Variants in GJB1 observed in about 807,000 individuals in gnomAD.
The protein encoded by GJB1 is gap junction protein beta 1, also known as gap junction beta-1 protein.
A neutral mutation model predicts 12.0 loss-of-function variants in GJB1; 1 was observed. The ratio of observed to expected loss-of-function variants is 0.08; its 90% CI spans 0.03 to 0.40. GJB1 has a LOEUF of 0.40. Among genes scored for constraint, GJB1 ranks in the 10% least tolerant of loss-of-function variants. GJB1 has a pLI of 0.98. For missense variants in GJB1, 140 were observed against 250.3 expected, an observed-to-expected ratio of 0.56 and a Z score of 2.97; for synonymous variants, 114 against 102.8, an observed-to-expected ratio of 1.11 and a Z score of -0.66.
upstream of GJB1, among the ~76,000 whole-genome samples, chrX:71,219,742 C>G (rs1469054126): frequency 1.3e-5 from 1 of 75,522 alleles, no homozygotes; most frequent in Non-Finnish European, 2.4e-5. Context: ...CCACTGCAGT[C>G]CAGCCTGGGC....
upstream of GJB1, chrX:71,222,743 C>A (rs1032407280): frequency 2.7e-5 from 3 of 110,561 alleles, no homozygotes; most frequent in African/African-American, 9.9e-5. Flanking sequence ...TAACAGGCTT[C>A]CTAAATGGGT....
At chrX:71,220,295 G>T (rs1402086497), upstream of GJB1, among the ~76,000 whole-genome samples, 1 of 106,056 alleles carries the variant, frequency 9.4e-6, no homozygotes, top group East Asian at 2.9e-4. Context: ...CTCCCAAAGT[G>T]CTGGGATTAC....
intron 1 of GJB1, among the ~76,000 whole-genome samples, chrX:71,215,708 C>T (rs1030144645): frequency 9.9e-5 from 11 of 111,317 alleles, no homozygotes; most frequent in Admixed American, 1.9e-4. Flanking sequence ...ACAAGGCAAG[C>T]CAGGCATGCA....
At chrX:71,221,753 C>T (rs2092538371), upstream of GJB1, among the ~76,000 whole-genome samples, 1 of 111,206 alleles carries the variant, frequency 9.0e-6, no homozygotes, top group South Asian at 3.8e-4. Context: ...GAGCAACTGG[C>T]AAGCTCCTGA....
At chrX:71,217,198 G>A (rs2092527476) in intron 1 of GJB1, among the ~76,000 whole-genome samples, 1 of 110,781 alleles carries the variant, frequency 9.0e-6, no homozygotes, top group Admixed American at 9.7e-5. Flanking sequence ...CCTGGTCTCA[G>A]AATGCAAACT....
upstream of GJB1, among the ~76,000 whole-genome samples, chrX:71,221,220 T>C (rs1405060918): frequency 8.9e-6 from 1 of 112,278 alleles, no homozygotes; most frequent in Non-Finnish European, 1.9e-5. Context: ...CTGTGGTGCC[T>C]AGTGCAGCAG....
chrX:71,224,861 C>T lies in GJB1; in HGVS notation c.*302C>T, dbSNP rs1239659935. The T allele has an allele frequency of 1.2e-5, 5 of 401,255 alleles. No homozygotes were observed. The highest frequency in any genetic ancestry group is 1.4e-5 in the Non-Finnish European group (3 of 222,088). 33.1% of individuals were successfully genotyped at this position (401,255 alleles called of 1,213,427 possible). A position where few individuals can be genotyped will look rare whatever the true frequency, so the allele number is the denominator to read the frequency against. Reference sequence around the variant, plus strand: ...ACTGGGTACAAGAGATGGGATGCTCCGACAGCGTCTCCAATTATGAAACTA... The same window carrying T: ...ACTGGGTACAAGAGATGGGATGCTCTGACAGCGTCTCCAATTATGAAACTA... On this transcript the variant is annotated 3_prime_UTR_variant, in exon 2 of 2. Transcript: ENST00000361726.
At chrX:71,220,138 T>C (rs1315606004), upstream of GJB1, among the ~76,000 whole-genome samples, 514 of 76,915 alleles carry the variant, frequency 6.7e-3, no homozygotes, top group Middle Eastern at 0.014. Context: ...CCACTGTGCC[T>C]GGCCTTTTTT....
chrX:71,224,211 C>G lies in GJB1; in HGVS notation c.504C>G (p.Cys168Trp). 1 of 1,205,869 alleles carries G rather than the reference C, an allele frequency of 8.3e-7. No homozygotes were observed. Among genetic ancestry groups the G allele is most frequent in the Non-Finnish European group, 1.1e-6 (1 of 893,844 alleles). Reference protein sequence around the residue: ...PGYAMVRLVKCDVYPCPNTVD... With the variant: ...PGYAMVRLVKWDVYPCPNTVD... The stretch of plus-strand genomic sequence containing the variant: ...ATGCCATGGTGCGGCTGGTCAAGTG[C>G]GACGTCTACCCCTGCCCCAACACAG... The change falls in exon 2 of 2, where the codon TGC (cysteine) becomes TGG (tryptophan). Residue 168 changes from cysteine to tryptophan, a missense_variant. Physicochemically the swap from Cys to Trp is radical, Grantham distance 215 (BLOSUM62 -2). Around this residue, in one of 4 missense-constraint regions of GJB1, gnomAD observed 49 missense variants for 104.5 expected, o/e 0.47. Coordinates refer to ENST00000361726, the MANE Select transcript of GJB1 (RefSeq NM_000166.6).
chrX:71,219,104 C>A (rs905048527), upstream of GJB1, among the ~76,000 whole-genome samples: 6 of 109,247 alleles, frequency 5.5e-5, no homozygotes, highest in African/African-American at 2.0e-4. Context: ...ATAACAGGTA[C>A]TCAGTAAATT....
At chrX:71,222,256 T>TC (rs2092539100), upstream of GJB1, among the ~76,000 whole-genome samples, 1 of 110,249 alleles carries the variant, frequency 9.1e-6, no homozygotes, top group East Asian at 2.8e-4. Flanking sequence ...AGAAGATTTT[T>TC]TTTTTTTTTT....
chrX:71,224,219 A>G lies in GJB1; in HGVS notation c.512A>G (p.Tyr171Cys), dbSNP rs777943697. ...GTGCGGCTGGTCAAGTGCGACGTCT[A>G]CCCCTGCCCCAACACAGTGGACTGC... is the stretch of plus-strand genomic sequence containing the variant. The part of the protein sequence containing the change: ...AMVRLVKCDV[Y>C]PCPNTVDCFV... The change falls in exon 2 of 2, where the codon TAC becomes TGC. Residue 171 changes from tyrosine to cysteine, a missense_variant. This residue lies in a region of GJB1 where 49 missense variants were observed against 104.5 expected (regional missense o/e 0.47). Coordinates refer to ENST00000361726, the MANE Select transcript of GJB1 (RefSeq NM_000166.6). 1.7e-6 allele frequency: 2 copies of G among 1,205,156 alleles called. No homozygotes were observed. Among genetic ancestry groups the G allele is most frequent in the Admixed American group, 2.2e-5 (1 of 45,599 alleles).
At chrX:71,223,364 G>A in intron 1 of GJB1, 29 bp downstream of exon 1, 1 of 338,596 alleles carries the variant, frequency 3.0e-6, no homozygotes, top group South Asian at 3.9e-5. Context: ...GTTTGCCCCA[G>A]GTCTGGAGTT....
chrX:71,216,180 A>T (rs1393269072), intron 1 of GJB1, among the ~76,000 whole-genome samples: 2 of 111,233 alleles, frequency 1.8e-5, no homozygotes, highest in African/African-American at 6.5e-5. Flanking sequence ...CGGTTTGGAG[A>T]TCTAAAGGAG....
chrX:71,222,356 C>T (rs2092539279), upstream of GJB1, among the ~76,000 whole-genome samples: 1 of 106,914 alleles, frequency 9.4e-6, no homozygotes, highest in Non-Finnish European at 1.9e-5. Flanking sequence ...TCCAGTGATT[C>T]TCCCACCCAG....
upstream of GJB1, among the ~76,000 whole-genome samples, chrX:71,222,069 G>A (rs2092538837): frequency 9.0e-6 from 1 of 110,515 alleles, no homozygotes; most frequent in Admixed American, 9.7e-5. Context: ...TGGAGCCCAG[G>A]AGGTCAAGGC....
chrX:71,223,578 C>A, intron 1 of GJB1, 114 bp from the exon 2 acceptor site: 2 of 702,148 alleles, frequency 2.8e-6, no homozygotes, highest in Non-Finnish European at 4.5e-6. Context: ...ACCATCCTTC[C>A]TTTCCTGCTA....
Position 71,224,566 on chromosome X carries a change from A to G in GJB1, c.*7A>G, listed in dbSNP as rs1055605737. On this transcript the variant is annotated 3_prime_UTR_variant, in exon 2 of 2. Transcript: ENST00000361726. ...CCGCTGCTCGGCCTGCTGATGCCAC[A>G]TACCAGGCAACCTCCCATCCCACCC... 2 of 1,175,484 alleles carry G rather than the reference A, an allele frequency of 1.7e-6. No individual in the cohort carries two copies. The highest frequency in any genetic ancestry group is 2.4e-5 in the Admixed American group (1 of 41,315).
At chrX:71,215,984 G>A (rs1021011986) in intron 1 of GJB1, among the ~76,000 whole-genome samples, 10 of 109,066 alleles carry the variant, frequency 9.2e-5, no homozygotes, top group Non-Finnish European at 1.9e-4. Flanking sequence ...CGATTCTCCT[G>A]CCTCAGCCTC....
Sources: allele counts gnomAD v4.1 joint callset (sites outside exome capture counted in the v4.1 genomes callset), GRCh38; gene constraint gnomAD v4.1.1; regional missense constraint gnomAD v4.1.1; transcripts MANE v1.5; gene names NCBI Gene and HGNC (gene_info 2026-07-23, HGNC 2026-07-21).